The following HACD4 variants were observed in gnomAD, a reference collection of about 807,000 sequenced individuals.
The protein encoded by HACD4 is very-long-chain (3R)-3-hydroxyacyl-CoA dehydratase 4.
Under a neutral mutation model 33.3 loss-of-function variants are expected in HACD4, and 35 were observed. The ratio of observed to expected loss-of-function variants is 1.05; its 90% CI spans 0.80 to 1.39. HACD4 has a LOEUF of 1.39. Ranked by LOEUF, HACD4 falls within the 40% of genes most tolerant of loss-of-function variation. The pLI, the probability that HACD4 is intolerant of heterozygous loss-of-function variation, is 0.00. For synonymous variants in HACD4, 118 were observed against 98.0 expected (o/e 1.20, Z -1.21); for missense variants, 323 against 276.5 (o/e 1.17, Z -1.19).
chr9:21,026,708 G>T lies in HACD4; in HGVS notation c.158C>A (p.Thr53Asn), dbSNP rs755352724. ...CATCACAAGTCCAATAGCATAAAAA[G>T]TGTCAACCATTGAATCTGTATCCCG... Reference protein sequence around the residue: ...FSFGKDSMVDTFYAIGLVMRL... With the variant: ...FSFGKDSMVDNFYAIGLVMRL... The change falls in exon 3 of 7, where the codon ACT becomes AAT. Residue 53 changes from threonine (T) to asparagine (N), a missense_variant. By Grantham distance (65) the Thr-to-Asn change is moderately conservative (BLOSUM62 0). Coordinates refer to ENST00000495827, the MANE Select transcript of HACD4 (RefSeq NM_001010915.5). The T allele has an allele frequency of 1.2e-6, 2 of 1,613,662 alleles. No individual in the cohort carries two copies. Among genetic ancestry groups the T allele is most frequent in the South Asian group, 1.1e-5 (1 of 91,018 alleles).
At chr9:21,021,137 A>T (rs1817897662) in intron 3 of HACD4, among the ~76,000 whole-genome samples, 1 of 152,232 alleles carries the variant, frequency 6.6e-6, no homozygotes, top group Admixed American at 6.5e-5. Context: ...CCACATGATT[A>T]TCTCAATAGA....
rs1842164712 is a variant in HACD4, at chr9:21,001,421, G to A, written c.*5616C>T. 1 of 151,992 alleles carries A rather than the reference G, an allele frequency of 6.6e-6. No homozygotes were observed. The highest frequency in any genetic ancestry group is 1.5e-5 in the Non-Finnish European group (1 of 67,952). The allele number at this position is 151,992 out of a possible 1,614,324, so 9.4% of individuals were successfully genotyped here. A position where few individuals can be genotyped will look rare whatever the true frequency, so the allele number is the denominator to read the frequency against. On this transcript the variant is annotated 3_prime_UTR_variant, in exon 7 of 7. Transcript: ENST00000495827. ...AAAAAATTGGAAAAAAGTGAACAGG[G>A]TATAAGGATCTGTGGGACCCATCAA...
chr9:21,031,442 C>T (rs1190766383), intron 1 of HACD4, 111 bp downstream of exon 1: 20 of 1,344,720 alleles, frequency 1.5e-5, no homozygotes, highest in Non-Finnish European at 1.7e-5. Context: ...TAGCGCTGCG[C>T]CTTGCTGGCG....
At chr9:21,014,162 C>T (rs1842502872) in intron 4 of HACD4, among the ~76,000 whole-genome samples, 1 of 152,050 alleles carries the variant, frequency 6.6e-6, no homozygotes, top group South Asian at 2.1e-4. Flanking sequence ...TAAGTTTACC[C>T]CCATTTTACA....
At chr9:21,029,500 GA>G in intron 1 of HACD4, 102 bp from the exon 2 acceptor site, 1 of 654,264 alleles carries the variant, frequency 1.5e-6, no homozygotes, top group Non-Finnish European at 2.6e-6. Context: ...GAAAGCAAAA[GA>G]AAACTGTTTC....
Position 21,004,883 on chromosome 9 carries a change from T to C in HACD4, c.*2154A>G, listed in dbSNP as rs892095276. ...CTGGAAGAGTTTTGAGGTACTAGTT[T>C]TTTTGCTAGAAAAAGCCAGTATTGC... On this transcript the variant is annotated 3_prime_UTR_variant, in exon 7 of 7. Transcript: ENST00000495827. The surrounding 1 kb of genome is among the most constrained non-coding windows in gnomAD (Gnocchi z 4.6). 4.6e-5 allele frequency: 7 copies of C among 152,240 alleles called. No homozygotes were observed. In the East Asian group the frequency reaches 1.4e-3, roughly 29 times the overall value. The allele number at this position is 152,240 out of a possible 1,614,324, so 9.4% of individuals were successfully genotyped here. A position where few individuals can be genotyped will look rare whatever the true frequency, so the allele number is the denominator to read the frequency against.
chr9:21,009,829 A>G (rs1377035290), intron 5 of HACD4, among the ~76,000 whole-genome samples: 1 of 152,148 alleles, frequency 6.6e-6, no homozygotes, highest in Non-Finnish European at 1.5e-5. Context: ...TCTCTACAGT[A>G]CTATGATTTA....
intron 3 of HACD4, among the ~76,000 whole-genome samples, chr9:21,021,567 C>T (rs187721355): frequency 1.4e-4 from 22 of 152,296 alleles, no homozygotes; most frequent in Admixed American, 1.0e-3. Context: ...AACTCACAAG[C>T]ATTCCTATAT....
rs1400993957 is a variant in HACD4 at position 21,004,038 on chromosome 9, C to T, written c.*2999G>A. The T allele has an allele frequency of 2.0e-5, 3 of 152,290 alleles. No homozygotes were observed. Among genetic ancestry groups the T allele is most frequent in the Non-Finnish European group, 2.9e-5 (2 of 68,036 alleles). The allele number at this position is 152,290 out of a possible 1,614,324, so 9.4% of individuals were successfully genotyped here. A position where few individuals can be genotyped will look rare whatever the true frequency, so the allele number is the denominator to read the frequency against. On this transcript the variant is annotated 3_prime_UTR_variant, in exon 7 of 7. Coordinates refer to ENST00000495827, the MANE Select transcript of HACD4 (RefSeq NM_001010915.5). The surrounding 1 kb of genome is among the most constrained non-coding windows in gnomAD (Gnocchi z 4.6). The stretch of plus-strand genomic sequence containing the variant: ...TCTTCTCTTTTGAGATAGAGTCTCA[C>T]TCTGTCACCCAGGCTGGAGTGCAGT...
Position 20,999,791 on chromosome 9 carries a change from T to TG in HACD4, c.*7245dup, listed in dbSNP as rs1001514530. 2 of 152,206 alleles carry TG rather than the reference T, an allele frequency of 1.3e-5. No homozygotes were observed. The highest frequency in any genetic ancestry group is 4.8e-5 in the African/African-American group (2 of 41,452). The allele number at this position is 152,206 out of a possible 1,614,324, so 9.4% of individuals were successfully genotyped here. On this transcript the variant is annotated 3_prime_UTR_variant, in exon 7 of 7. Transcript: ENST00000495827. ...TATTATGTGCCACTATACAAGTTTCTGGGGTACAATCTGAACAAAACGTGT... is the reference window on the plus strand; with the variant it reads ...TATTATGTGCCACTATACAAGTTTCTGGGGGTACAATCTGAACAAAACGTGT...
intron 4 of HACD4, chr9:21,015,109 T>G: frequency 6.6e-6 from 1 of 152,234 alleles, no homozygotes; most frequent in East Asian, 1.9e-4. Flanking sequence ...AGCAAAAGAT[T>G]TCATTCTAAT....
At position 21,000,228 on chromosome 9, in the gene HACD4, C is replaced by A. The variant is rs1842146478; in HGVS notation, c.*6809G>T. 6.6e-6 allele frequency: 1 copy of A among 152,106 alleles called. No individual in the cohort carries two copies. The highest frequency in any genetic ancestry group is 6.6e-5 in the Admixed American group (1 of 15,258). 9.4% of individuals were successfully genotyped at this position (152,106 alleles called of 1,614,324 possible). A position where few individuals can be genotyped will look rare whatever the true frequency, so the allele number is the denominator to read the frequency against. On this transcript the variant is annotated 3_prime_UTR_variant, in exon 7 of 7. Transcript: ENST00000495827. ...GATGAGATTTAAAACTCCAGCTACC[C>A]TTAGCAAAAATAAACTAGTTAGTAA...
intron 1 of HACD4, among the ~76,000 whole-genome samples, chr9:21,030,945 T>C (rs1471668438): frequency 6.6e-6 from 1 of 152,178 alleles, no homozygotes. Context: ...TTACTCCTCC[T>C]TGAAGATGTG....
chr9:21,031,608 GC>G lies in HACD4; in HGVS notation c.-19del. 1.4e-6 allele frequency: 2 copies of G among 1,417,466 alleles called. No individual in the cohort carries two copies. Among genetic ancestry groups the G allele is most frequent in the Non-Finnish European group, 1.8e-6 (2 of 1,092,060 alleles). 87.8% of individuals were successfully genotyped at this position (1,417,466 alleles called of 1,614,324 possible). On this transcript the variant is annotated 5_prime_UTR_variant, in exon 1 of 7. Coordinates refer to ENST00000495827, the MANE Select transcript of HACD4 (RefSeq NM_001010915.5). Reference sequence around the variant, plus strand: ...GGCCCCATGGGCCGCCGCCGCCAGGGCTTCCAGCGCGGTCCAGGAAGGAGTA... The same window carrying G: ...GGCCCCATGGGCCGCCGCCGCCAGGGTTCCAGCGCGGTCCAGGAAGGAGTA...
intron 4 of HACD4, among the ~76,000 whole-genome samples, chr9:21,013,067 A>G (rs1337629503): frequency 8.4e-6 from 1 of 118,966 alleles, no homozygotes; most frequent in Non-Finnish European, 1.8e-5. Flanking sequence ...ACTCCATCTC[A>G]AAAAAAAAAA....
At chr9:21,010,467 C>G (rs80181430) in intron 5 of HACD4, among the ~76,000 whole-genome samples, 43,039 of 117,792 alleles carry the variant, frequency 0.37, 10,240 homozygotes, top group East Asian at 0.57. Context: ...CCCCCCCCCC[C>G]CCCAGAGCTT....
chr9:21,031,601 C>A lies in HACD4; in HGVS notation c.-11G>T, dbSNP rs1818226706. On this transcript the variant is annotated 5_prime_UTR_variant, in exon 1 of 7. Coordinates refer to ENST00000495827, the MANE Select transcript of HACD4 (RefSeq NM_001010915.5). ...CGCCAAGGGCCCCATGGGCCGCCGC[C>A]GCCAGGGCTTCCAGCGCGGTCCAGG... 7.0e-7 allele frequency: 1 copy of A among 1,425,036 alleles called. No individual in the cohort carries two copies. The highest frequency in any genetic ancestry group is 1.5e-5 in the African/African-American group (1 of 66,750). 88.3% of individuals were successfully genotyped at this position (1,425,036 alleles called of 1,614,324 possible).
At chr9:21,023,544 C>T (rs996878328) in intron 3 of HACD4, among the ~76,000 whole-genome samples, 5 of 151,768 alleles carry the variant, frequency 3.3e-5, no homozygotes, top group Non-Finnish European at 7.4e-5. Flanking sequence ...CCAGTTCCCC[C>T]CAAGAAGAAT....
In HACD4 at chr9:21,002,993, AAAAG is replaced by A. The variant is rs1329755067; in HGVS notation, c.*4040_*4043del. Reference sequence around the variant, plus strand: ...CCTGGGGAACATGTACTTAAGTAGAAAAAGAAATTACACCTTTATTTTCACTAAT... The same window carrying A: ...CCTGGGGAACATGTACTTAAGTAGAAAAATTACACCTTTATTTTCACTAAT... On this transcript the variant is annotated 3_prime_UTR_variant, in exon 7 of 7. Transcript: ENST00000495827. 1 of 152,162 alleles carries A rather than the reference AAAAG, an allele frequency of 6.6e-6. No individual in the cohort carries two copies. Among genetic ancestry groups the A allele is most frequent in the Non-Finnish European group, 1.5e-5 (1 of 68,010 alleles). The allele number at this position is 152,162 out of a possible 1,614,324, so 9.4% of individuals were successfully genotyped here.
Sources: gnomAD v4.1 joint callset for allele counts (sites outside exome capture counted in the v4.1 genomes callset) on GRCh38, gnomAD v4.1.1 for gene constraint, Gnocchi (gnomAD v3.1) non-coding constraint, MANE v1.5 for transcripts, NCBI Gene and HGNC (gene_info 2026-07-23, HGNC 2026-07-21) for gene names.